ATP11B: variants seen among roughly 807,000 people sequenced by gnomAD.
The protein encoded by ATP11B is phospholipid-transporting ATPase IF.
ATP11B carries 81 observed loss-of-function variants against 157.8 expected under a neutral mutation model. The observed-to-expected ratio is 0.51, with a 90% CI of 0.43 to 0.62. ATP11B has a LOEUF of 0.62. ATP11B is among the 20% of genes least tolerant of loss of function. The pLI, the probability that ATP11B is intolerant of heterozygous loss-of-function variation, is 0.00. For missense variants in ATP11B, 1,165 were observed against 1,402.2 expected (o/e 0.83, Z 2.70); for synonymous variants, 451 against 469.4 (o/e 0.96, Z 0.51).
chr3:182,914,738 C>A, intron 29 of ATP11B: 3 of 985,214 alleles, frequency 3.0e-6, no homozygotes, highest in Non-Finnish European at 3.6e-6. Flanking sequence ...TGGTAAACAC[C>A]ATTTAAAATT....
intron 6 of ATP11B, 78 bp downstream of exon 6, chr3:182,836,548 A>G: frequency 6.4e-7 from 1 of 1,555,334 alleles, no homozygotes; most frequent in East Asian, 2.3e-5. Context: ...ACTTTGGTTA[A>G]AGTAGTAAAG....
At chr3:182,898,544 A>G (rs1723724173) in intron 27 of ATP11B, 63 bp from the exon 28 acceptor site, 2 of 1,378,490 alleles carry the variant, frequency 1.5e-6, no homozygotes, top group Non-Finnish European at 9.8e-7. Context: ...GTGTCTTTAT[A>G]TGATGTCCTG....
At position 182,920,229 on chromosome 3, in the gene ATP11B, T is replaced by G. The variant is rs1046638637; in HGVS notation, c.*2125T>G. On this transcript the variant is annotated 3_prime_UTR_variant, in exon 30 of 30. Coordinates refer to ENST00000323116, the MANE Select transcript of ATP11B (RefSeq NM_014616.3). The stretch of plus-strand genomic sequence containing the variant: ...GTGTGATTGATGTAATTTTCTGTAC[T>G]CACCATTTGAAGTTAGTTAAGGAGA... The G allele has an allele frequency of 6.6e-6, 1 of 152,224 alleles. No homozygotes were observed. The highest frequency in any genetic ancestry group is 1.5e-5 in the Non-Finnish European group (1 of 68,040). 9.4% of individuals were successfully genotyped at this position (152,224 alleles called of 1,614,324 possible). A position where few individuals can be genotyped will look rare whatever the true frequency, so the allele number is the denominator to read the frequency against.
At chr3:182,911,245 TC>T (rs1320608097) in intron 28 of ATP11B, among the ~76,000 whole-genome samples, 2 of 91,048 alleles carry the variant, frequency 2.2e-5, no homozygotes, top group Non-Finnish European at 4.0e-5. Flanking sequence ...GAATATCTTT[TC>T]CCCCCCATCT....
At chr3:182,848,351 AG>A (rs1719701929) in intron 9 of ATP11B, 124 bp from the exon 10 acceptor site, 1 of 520,050 alleles carries the variant, frequency 1.9e-6, no homozygotes, top group Admixed American at 4.5e-5. Context: ...AAATACTTAA[AG>A]AAAAGCAAAA....
intron 2 of ATP11B, among the ~76,000 whole-genome samples, chr3:182,821,967 G>GT (rs1717381956): frequency 6.6e-6 from 1 of 152,138 alleles, no homozygotes; most frequent in African/African-American, 2.4e-5. Context: ...CCTGCCCCAT[G>GT]TTGCTGCCTT....
At chr3:182,877,730 T>C (rs1039444264) in intron 19 of ATP11B, among the ~76,000 whole-genome samples, 1 of 151,980 alleles carries the variant, frequency 6.6e-6, no homozygotes, top group African/African-American at 2.4e-5. Flanking sequence ...AATTATAAAG[T>C]ATGGCCAGGG....
At chr3:182,823,909 A>G (rs1279267236) in intron 2 of ATP11B, among the ~76,000 whole-genome samples, 1 of 152,116 alleles carries the variant, frequency 6.6e-6, no homozygotes, top group Admixed American at 6.5e-5. Context: ...AGTTTTGACA[A>G]ATCTGACCAC....
At chr3:182,835,274 C>T (rs1718461441) in intron 4 of ATP11B, among the ~76,000 whole-genome samples, 1 of 152,154 alleles carries the variant, frequency 6.6e-6, no homozygotes, top group Non-Finnish European at 1.5e-5. Flanking sequence ...AATTATAATT[C>T]TGTCAGTCTG....
At chr3:182,867,220 C>T (rs965506291) in intron 14 of ATP11B, among the ~76,000 whole-genome samples, 156 bp from the exon 15 acceptor site, 1 of 148,818 alleles carries the variant, frequency 6.7e-6, no homozygotes, top group African/African-American at 2.6e-5. Context: ...TGAGCCACCA[C>T]TCCTGGCACC....
In ATP11B at chr3:182,828,196, T is replaced by C; in HGVS notation, c.221T>C (p.Ile74Thr). The change falls in exon 3 of 30, where the codon ATA becomes ACA. Residue 74 changes from isoleucine (I) to threonine (T), a missense_variant. By Grantham distance (89) the Ile-to-Thr change is moderately conservative. Transcript: ENST00000323116. ...GTGGCAAACTTTTATTTTCTTATTA[T>C]ATTTTTGGTTCAGGTAAGCTTTATT... is the stretch of plus-strand genomic sequence containing the variant. The part of the protein sequence containing the change: ...RRVANFYFLI[I>T]FLVQLMIDTP... The C allele has an allele frequency of 6.7e-7, 1 of 1,482,254 alleles. No homozygotes were observed. The highest frequency in any genetic ancestry group is 9.1e-7 in the Non-Finnish European group (1 of 1,093,814). The allele number at this position is 1,482,254 out of a possible 1,614,324, so 91.8% of individuals were successfully genotyped here.
intron 18 of ATP11B, 115 bp from the exon 19 acceptor site, chr3:182,873,697 C>A: frequency 2.4e-6 from 2 of 832,216 alleles, no homozygotes; most frequent in Non-Finnish European, 1.9e-6. Flanking sequence ...TGTATAATAA[C>A]ATTCCTAGGT....
intron 19 of ATP11B, among the ~76,000 whole-genome samples, chr3:182,879,044 A>G (rs1173536495): frequency 6.6e-6 from 1 of 152,190 alleles, no homozygotes; most frequent in Non-Finnish European, 1.5e-5. Flanking sequence ...AGGCTGAGAC[A>G]GGCAGATCGC....
chr3:182,810,042 G>GT (rs1209332340), intron 1 of ATP11B, among the ~76,000 whole-genome samples: 1 of 152,098 alleles, frequency 6.6e-6, no homozygotes, highest in Non-Finnish European at 1.5e-5. Flanking sequence ...AAATTCTTCT[G>GT]TTTTTTAAAA....
intron 1 of ATP11B, among the ~76,000 whole-genome samples, chr3:182,795,021 C>T (rs1715511376): frequency 6.7e-6 from 1 of 148,406 alleles, no homozygotes. Flanking sequence ...CGTTTTGCAG[C>T]GGGCATCATT....
At chr3:182,807,981 T>G (rs1354882382) in intron 1 of ATP11B, among the ~76,000 whole-genome samples, 1 of 152,196 alleles carries the variant, frequency 6.6e-6, no homozygotes, top group Non-Finnish European at 1.5e-5. Context: ...CTTAACTGAG[T>G]AGCAAACACG....
chr3:182,904,426 A>T (rs1724185204), intron 28 of ATP11B, among the ~76,000 whole-genome samples: 1 of 152,238 alleles, frequency 6.6e-6, no homozygotes, highest in Non-Finnish European at 1.5e-5. Flanking sequence ...CTTTCTGCTG[A>T]TGCAGCCTCT....
intron 10 of ATP11B, among the ~76,000 whole-genome samples, chr3:182,857,427 G>A (rs1057420686): frequency 1.3e-5 from 2 of 152,056 alleles, no homozygotes; most frequent in African/African-American, 4.8e-5. Flanking sequence ...GATTACAGGC[G>A]TAGTGAGCCA....
chr3:182,794,052 T>TC lies in ATP11B; in HGVS notation c.27+271dup, dbSNP rs147920048. ...TAGCCGGCGCTTCTCCGTTACTTCT[T>TC]CCCCCTTGCCGCTCCGGGGCTGCTG... On this transcript the variant is annotated intron_variant, in intron 1 of 29. Coordinates refer to ENST00000323116, the MANE Select transcript of ATP11B (RefSeq NM_014616.3). Among the ~76,000 whole-genome samples, 213 of 152,104 alleles carry TC rather than the reference T, an allele frequency of 1.4e-3. 1 individual carries two copies. The East Asian group carries it at 0.035, about 25-fold the overall frequency.
Sources: gnomAD v4.1 joint callset for allele counts (sites outside exome capture counted in the v4.1 genomes callset) on GRCh38, gnomAD v4.1.1 for gene constraint, MANE v1.5 for transcripts, NCBI Gene and HGNC (gene_info 2026-07-23, HGNC 2026-07-21) for gene names.